Variants in ATP9A observed in about 807,000 individuals in gnomAD.
ATP9A encodes the protein ATPase phospholipid transporting 9A, also known as probable phospholipid-transporting ATPase IIA.
Under a neutral mutation model 144.1 loss-of-function variants are expected in ATP9A, and 52 were observed. The ratio of observed to expected loss-of-function variants is 0.36; its 90% CI spans 0.29 to 0.45. The LOEUF is 0.45. ATP9A is among the 20% of genes least tolerant of loss of function. The pLI is 1.00. For synonymous variants in ATP9A, 582 were observed against 557.4 expected, an observed-to-expected ratio of 1.04 and a Z score of -0.62; for missense variants, 947 against 1,392.7, an observed-to-expected ratio of 0.68 and a Z score of 5.09.
chr20:51,690,109 CAAAAAAAAAAAAAAAAA>C (rs796336088), intron 8 of ATP9A, among the ~76,000 whole-genome samples: 770 of 59,956 alleles, frequency 0.013, 16 homozygotes, highest in African/African-American at 0.048. Flanking sequence ...GAGACCGTCT[CAAAAAAAAAAAAAAAAA>C]AAAAAAAAAA....
intron 1 of ATP9A, among the ~76,000 whole-genome samples, chr20:51,764,277 A>C (rs1568852205): frequency 6.6e-6 from 1 of 152,250 alleles, no homozygotes; most frequent in Non-Finnish European, 1.5e-5. Context: ...CTGGCTCCTA[A>C]CAAATAATCC....
chr20:51,645,444 C>T (rs1449450034), intron 14 of ATP9A, among the ~76,000 whole-genome samples: 2 of 152,074 alleles, frequency 1.3e-5, no homozygotes, highest in Non-Finnish European at 2.9e-5. Flanking sequence ...GGCGTGAACC[C>T]GGGAGGTGGA....
chr20:51,608,772 C>T lies in ATP9A; in HGVS notation c.2637-146G>A, dbSNP rs1237589686. Reference sequence around the variant, plus strand: ...ATGCTCCGGGGCTGGCTGTAAGCACCAGAAACCCATGAGCAAAAATGGACA... The same window carrying T: ...ATGCTCCGGGGCTGGCTGTAAGCACTAGAAACCCATGAGCAAAAATGGACA... On this transcript the variant is annotated intron_variant, in intron 24 of 27. Coordinates refer to ENST00000338821, the MANE Select transcript of ATP9A (RefSeq NM_006045.3). 4.8e-6 allele frequency: 3 copies of T among 623,592 alleles called. No individual in the cohort carries two copies. The Admixed American group carries it at 8.1e-5, about 17-fold the overall frequency. 38.6% of individuals were successfully genotyped at this position (623,592 alleles called of 1,614,324 possible).
chr20:51,722,301 G>A (rs1370292285), intron 3 of ATP9A, among the ~76,000 whole-genome samples: 7 of 152,140 alleles, frequency 4.6e-5, no homozygotes, highest in African/African-American at 1.7e-4. Flanking sequence ...TCATGACCAA[G>A]AACCCAAAAG....
intron 1 of ATP9A, among the ~76,000 whole-genome samples, chr20:51,761,309 G>C (rs2077879283): frequency 6.6e-6 from 1 of 152,146 alleles, no homozygotes. Flanking sequence ...GCAAAATGTA[G>C]GACCTCTGAA....
chr20:51,745,457 G>C (rs958393670), intron 1 of ATP9A, among the ~76,000 whole-genome samples: 1 of 151,466 alleles, frequency 6.6e-6, no homozygotes, highest in Non-Finnish European at 1.5e-5. Flanking sequence ...ATTAAAAGCC[G>C]TTATGAATTA....
intron 15 of ATP9A, among the ~76,000 whole-genome samples, chr20:51,633,253 T>TA (rs1347931082): frequency 6.7e-6 from 1 of 149,234 alleles, no homozygotes; most frequent in African/African-American, 2.5e-5. Flanking sequence ...TAAAAATCAT[T>TA]AAAATCAGAT....
chr20:51,667,620 A>T (rs1243970499), intron 13 of ATP9A, among the ~76,000 whole-genome samples: 1 of 152,160 alleles, frequency 6.6e-6, no homozygotes, highest in Non-Finnish European at 1.5e-5. Context: ...CTCAGACTCC[A>T]CCACAGAGCT....
At chr20:51,756,239 C>A (rs111392890) in intron 1 of ATP9A, among the ~76,000 whole-genome samples, 2 of 151,656 alleles carry the variant, frequency 1.3e-5, no homozygotes, top group Non-Finnish European at 1.5e-5. Flanking sequence ...CCACCTTCCC[C>A]CTGTGTCCTC....
At chr20:51,757,190 A>G (rs1601148147) in intron 1 of ATP9A, among the ~76,000 whole-genome samples, 2 of 152,144 alleles carry the variant, frequency 1.3e-5, no homozygotes. Flanking sequence ...CAGGCGCAGC[A>G]TATTTTTAGT....
At chr20:51,682,327 T>C (rs1000630446) in intron 9 of ATP9A, among the ~76,000 whole-genome samples, 1 of 152,084 alleles carries the variant, frequency 6.6e-6, no homozygotes, top group African/African-American at 2.4e-5. Context: ...ACAGAAGGCT[T>C]AGAAAAGAAG....
chr20:51,707,757 T>C (rs1424711210), intron 4 of ATP9A, among the ~76,000 whole-genome samples: 1 of 152,178 alleles, frequency 6.6e-6, no homozygotes, highest in African/African-American at 2.4e-5. Flanking sequence ...AACGCCTCAC[T>C]GGATTATAAC....
intron 14 of ATP9A, among the ~76,000 whole-genome samples, chr20:51,649,743 T>G (rs1304111908): frequency 6.6e-6 from 1 of 151,880 alleles, no homozygotes; most frequent in African/African-American, 2.4e-5. Flanking sequence ...GGTGAAACCC[T>G]GTCTCTACTA....
intron 23 of ATP9A, 96 bp from the exon 24 acceptor site, chr20:51,610,261 G>A (rs948914229): frequency 6.3e-6 from 6 of 950,774 alleles, no homozygotes; most frequent in African/African-American, 4.9e-5. Flanking sequence ...CATAACACCC[G>A]CGCCGGCACT....
At chr20:51,664,617 A>G (rs1287293107) in intron 13 of ATP9A, among the ~76,000 whole-genome samples, 1 of 152,180 alleles carries the variant, frequency 6.6e-6, no homozygotes, top group Non-Finnish European at 1.5e-5. Flanking sequence ...AATAAATAAG[A>G]AAACAAAATG....
chr20:51,640,280 A>G (rs1036911235), intron 14 of ATP9A, among the ~76,000 whole-genome samples: 2 of 152,206 alleles, frequency 1.3e-5, no homozygotes, highest in Non-Finnish European at 2.9e-5. Context: ...AGTGGTTCTC[A>G]ACTGGGTGAT....
At chr20:51,669,963 G>C in intron 13 of ATP9A, 34 bp downstream of exon 13, 1 of 1,471,082 alleles carries the variant, frequency 6.8e-7, no homozygotes, top group Non-Finnish European at 9.5e-7. Flanking sequence ...AAAAGTCAAA[G>C]AATTGTTTTG....
chr20:51,758,092 A>G (rs1377082170), intron 1 of ATP9A, among the ~76,000 whole-genome samples: 1 of 152,146 alleles, frequency 6.6e-6, no homozygotes, highest in East Asian at 1.9e-4. Flanking sequence ...CTTTAAATTG[A>G]CTGCCTTTTA....
intron 4 of ATP9A, among the ~76,000 whole-genome samples, chr20:51,708,314 C>T (rs1428536323): frequency 6.7e-6 from 1 of 150,324 alleles, no homozygotes; most frequent in South Asian, 2.1e-4. Context: ...AAAAATGATA[C>T]ACCTTGATTG....
Sources: allele counts gnomAD v4.1 joint callset (sites outside exome capture counted in the v4.1 genomes callset), GRCh38; gene constraint gnomAD v4.1.1; transcripts MANE v1.5; gene names NCBI Gene and HGNC (gene_info 2026-07-23, HGNC 2026-07-21).